Variants in KCND2 observed in about 807,000 individuals in gnomAD.
KCND2 encodes the protein A-type voltage-gated potassium channel KCND2.
In KCND2, 16 loss-of-function variants were observed where a neutral mutation model predicts 54.4. That is an observed-to-expected ratio of 0.29 (90% confidence interval 0.20 to 0.45). KCND2 has a LOEUF of 0.45. Ranked by LOEUF, KCND2 falls within the 20% of genes least tolerant of loss-of-function variation. The pLI is 1.00. For synonymous variants in KCND2, 317 were observed against 310.7 expected, an observed-to-expected ratio of 1.02 and a Z score of -0.21; for missense variants, 486 against 824.2, an observed-to-expected ratio of 0.59 and a Z score of 5.02.
At chr7:120,543,521 T>A (rs1028467601) in intron 1 of KCND2, among the ~76,000 whole-genome samples, 2 of 152,080 alleles carry the variant, frequency 1.3e-5, no homozygotes, top group African/African-American at 4.8e-5. Context: ...AGTAGCTTGT[T>A]CAGCTGGTTA....
intron 1 of KCND2, among the ~76,000 whole-genome samples, chr7:120,558,387 T>C (rs1454758645): frequency 6.6e-6 from 1 of 152,144 alleles, no homozygotes; most frequent in East Asian, 1.9e-4. Flanking sequence ...ATAGCATTCT[T>C]GGTGTTATCA....
At chr7:120,614,787 A>G (rs1465316341) in intron 1 of KCND2, among the ~76,000 whole-genome samples, 1 of 152,244 alleles carries the variant, frequency 6.6e-6, no homozygotes, top group Non-Finnish European at 1.5e-5. Context: ...TACCTTATGG[A>G]GGAAAATGCA....
chr7:120,512,919 T>G (rs1200818900), intron 1 of KCND2, among the ~76,000 whole-genome samples: 2 of 151,230 alleles, frequency 1.3e-5, no homozygotes, highest in South Asian at 2.1e-4. Context: ...CTCGGCCTCC[T>G]TAGTAGGGGG....
At chr7:120,716,869 A>G (rs1420513231) in intron 1 of KCND2, among the ~76,000 whole-genome samples, 2 of 152,130 alleles carry the variant, frequency 1.3e-5, no homozygotes, top group Non-Finnish European at 2.9e-5. Context: ...TGAGGGAGAT[A>G]TGCTCCAAGA....
intron 1 of KCND2, among the ~76,000 whole-genome samples, chr7:120,717,300 C>A (rs1441027111): frequency 6.6e-6 from 1 of 152,078 alleles, no homozygotes; most frequent in Non-Finnish European, 1.5e-5. Context: ...GACTACTGGG[C>A]AGGTAGCATA....
At chr7:120,516,571 G>C (rs1416088734) in intron 1 of KCND2, among the ~76,000 whole-genome samples, 1 of 152,034 alleles carries the variant, frequency 6.6e-6, no homozygotes, top group Non-Finnish European at 1.5e-5. Context: ...TCACAATGAA[G>C]ATCTTTATGT....
intron 1 of KCND2, among the ~76,000 whole-genome samples, chr7:120,303,324 T>C (rs1799611387): frequency 6.6e-6 from 1 of 152,216 alleles, no homozygotes; most frequent in South Asian, 2.1e-4. Flanking sequence ...CTACATATTA[T>C]GAAACAACAA....
chr7:120,472,666 G>A lies in KCND2; in HGVS notation c.1115+196919G>A, dbSNP rs138335576. On this transcript the variant is annotated intron_variant, in intron 1 of 5. Transcript: ENST00000331113. ...TTTAACTTTATGGAGGAGACCTGGAGTCTTATGAAACACTCAAGCTTTGCA... is the reference window on the plus strand; with the variant it reads ...TTTAACTTTATGGAGGAGACCTGGAATCTTATGAAACACTCAAGCTTTGCA... 6.8e-3 allele frequency among the ~76,000 whole-genome samples: 1,028 copies of A among 152,152 alleles called. 9 individuals carry two copies. The highest frequency in any genetic ancestry group is 0.023 in the African/African-American group (952 of 41,488).
chr7:120,315,440 C>T (rs940581237), intron 1 of KCND2, among the ~76,000 whole-genome samples: 4 of 152,038 alleles, frequency 2.6e-5, no homozygotes, highest in East Asian at 1.9e-4. Flanking sequence ...ACAGTGGAAC[C>T]GGAAACAATG....
chr7:120,418,494 T>C (rs1801558917), intron 1 of KCND2, among the ~76,000 whole-genome samples: 1 of 152,248 alleles, frequency 6.6e-6, no homozygotes, highest in South Asian at 2.1e-4. Context: ...GCTGTTCCAA[T>C]GGGTCTCAAA....
At chr7:120,429,532 G>C (rs764994987) in intron 1 of KCND2, among the ~76,000 whole-genome samples, 4 of 150,254 alleles carry the variant, frequency 2.7e-5, no homozygotes, top group Admixed American at 6.7e-5. Context: ...GGTTGGAGAG[G>C]GGGGAAGGGG....
At chr7:120,673,909 ATT>A (rs985140655) in intron 1 of KCND2, among the ~76,000 whole-genome samples, 1 of 115,460 alleles carries the variant, frequency 8.7e-6, no homozygotes. Flanking sequence ...TCTTTTATTT[ATT>A]TTTTTTTTTT....
At chr7:120,347,766 A>C (rs1387582039) in intron 1 of KCND2, among the ~76,000 whole-genome samples, 1 of 152,142 alleles carries the variant, frequency 6.6e-6, no homozygotes. Flanking sequence ...TCAAAAAAAA[A>C]AAAAAGCTGC....
At chr7:120,733,628 C>A (rs926965045) in intron 2 of KCND2, among the ~76,000 whole-genome samples, 2 of 152,042 alleles carry the variant, frequency 1.3e-5, no homozygotes, top group African/African-American at 4.8e-5. Context: ...CAAACTGGTT[C>A]CAGTAGACGA....
intron 1 of KCND2, among the ~76,000 whole-genome samples, chr7:120,293,793 A>G (rs1990429): frequency 0.66 from 100,409 of 151,686 alleles, 38,141 homozygotes; most frequent in South Asian, 0.91. Context: ...CTCAGAAATG[A>G]TTGATGTTAG....
chr7:120,641,281 G>C (rs1441734628), intron 1 of KCND2, among the ~76,000 whole-genome samples: 1 of 152,070 alleles, frequency 6.6e-6, no homozygotes, highest in East Asian at 1.9e-4. Context: ...TATTGAACTA[G>C]AGGAGAACAC....
intron 1 of KCND2, among the ~76,000 whole-genome samples, chr7:120,619,061 T>C (rs1391086309): frequency 6.6e-6 from 1 of 152,214 alleles, no homozygotes. Context: ...CAAGGAATGT[T>C]TGGAAATATT....
At chr7:120,345,641 T>G (rs1368465925) in intron 1 of KCND2, among the ~76,000 whole-genome samples, 1 of 152,194 alleles carries the variant, frequency 6.6e-6, no homozygotes, top group Non-Finnish European at 1.5e-5. Flanking sequence ...CTTATTTCAC[T>G]TAGTATAAAA....
intron 4 of KCND2, among the ~76,000 whole-genome samples, chr7:120,744,960 T>C (rs1467197028): frequency 6.6e-6 from 1 of 152,136 alleles, no homozygotes; most frequent in African/African-American, 2.4e-5. Flanking sequence ...AAAAGCAAAA[T>C]TGATACCATG....
Sources: gnomAD v4.1 joint callset for allele counts (sites outside exome capture counted in the v4.1 genomes callset) on GRCh38, gnomAD v4.1.1 for gene constraint, MANE v1.5 for transcripts, NCBI Gene and HGNC (gene_info 2026-07-23, HGNC 2026-07-21) for gene names.